ARMC2: variants seen among roughly 807,000 people sequenced by gnomAD.
The protein encoded by ARMC2 is armadillo repeat-containing protein 2.
Under a neutral mutation model 90.3 loss-of-function variants are expected in ARMC2, and 67 were observed. The observed-to-expected ratio is 0.74, with a 90% confidence interval of 0.61 to 0.91. ARMC2 has a LOEUF of 0.91. Ranked by LOEUF, ARMC2 falls within the 40% of genes least tolerant of loss-of-function variation. The pLI is 0.00. For missense variants in ARMC2, 920 were observed against 1,030.9 expected (o/e 0.89, Z 1.47); for synonymous variants, 393 against 393.0 (o/e 1.00, Z 0.00).
the ARMC2 span, among the ~76,000 whole-genome samples, chr6:108,994,163 A>G: frequency 0.09 from 13,183 of 147,042 alleles, 664 homozygotes; most frequent in South Asian, 0.17. Context: ...AAAAAAAAAA[A>G]GAGAAAAAAG....
chr6:108,940,978 C>T lies in ARMC2; in HGVS notation c.1596+3979C>T, dbSNP rs143414607. On this transcript the variant is annotated intron_variant, in intron 12 of 17. Coordinates refer to ENST00000392644, the MANE Select transcript of ARMC2 (RefSeq NM_032131.6). ...TCATCTCTATAAACAAAAAATTAGC[C>T]GTGCGTGGTGGCACATGTCTGTAGT... is the stretch of plus-strand genomic sequence containing the variant. Among the ~76,000 whole-genome samples, 661 of 152,170 alleles carry T rather than the reference C, an allele frequency of 4.3e-3. 1 individual carries two copies. The highest frequency in any genetic ancestry group is 0.014 in the Middle Eastern group (4 of 292).
chr6:108,922,849 T>C (rs1482684293), intron 10 of ARMC2: 1 of 152,204 alleles, frequency 6.6e-6, no homozygotes, highest in Non-Finnish European at 1.5e-5. Flanking sequence ...AGCTCAGTCA[T>C]TTTTCAGTAG....
At chr6:108,925,402 A>T (rs1775012538) in intron 10 of ARMC2, among the ~76,000 whole-genome samples, 1 of 152,228 alleles carries the variant, frequency 6.6e-6, no homozygotes, top group South Asian at 2.1e-4. Context: ...CTGGACTTGG[A>T]GCTGGATGTA....
At chr6:108,966,106 C>T (rs1204814457) in intron 17 of ARMC2, among the ~76,000 whole-genome samples, 4 of 144,844 alleles carry the variant, frequency 2.8e-5, no homozygotes, top group Non-Finnish European at 6.0e-5. Context: ...ACTGCCCAGC[C>T]ACCATACTAG....
At chr6:109,022,149 T>C in the ARMC2 span, among the ~76,000 whole-genome samples, 1 of 152,102 alleles carries the variant, frequency 6.6e-6, no homozygotes, top group East Asian at 1.9e-4. Flanking sequence ...ATGCACCCAT[T>C]TGAAGTCCTT....
At chr6:108,980,185 G>A in the ARMC2 span, among the ~76,000 whole-genome samples, 5 of 152,102 alleles carry the variant, frequency 3.3e-5, no homozygotes, top group African/African-American at 7.2e-5. Flanking sequence ...CTGAGTGGAC[G>A]TCCTTTTTGT....
At chr6:108,928,845 A>G (rs1474161252) in intron 11 of ARMC2, among the ~76,000 whole-genome samples, 1 of 152,154 alleles carries the variant, frequency 6.6e-6, no homozygotes, top group Non-Finnish European at 1.5e-5. Flanking sequence ...TTACATAATG[A>G]TTCTTCTCGG....
the ARMC2 span, among the ~76,000 whole-genome samples, chr6:109,016,421 T>C: frequency 6.6e-6 from 1 of 152,182 alleles, no homozygotes; most frequent in Non-Finnish European, 1.5e-5. Flanking sequence ...GTAGGTCCTA[T>C]AATCCTTTAA....
At chr6:109,049,304 CAT>C in the ARMC2 span, among the ~76,000 whole-genome samples, 1 of 150,696 alleles carries the variant, frequency 6.6e-6, no homozygotes, top group Non-Finnish European at 1.5e-5. Flanking sequence ...TGTTCTCACT[CAT>C]ATGTGAAAGC....
At chr6:108,924,449 C>T (rs145464619) in intron 10 of ARMC2, among the ~76,000 whole-genome samples, 2,235 of 151,812 alleles carry the variant, frequency 0.015, 66 homozygotes, top group African/African-American at 0.052. Flanking sequence ...ACCCAGGAGG[C>T]GGAGGTTGCA....
At chr6:108,912,190 C>G in intron 9 of ARMC2, 145 bp from the exon 10 acceptor site, 1 of 599,260 alleles carries the variant, frequency 1.7e-6, no homozygotes, top group Non-Finnish European at 2.8e-6. Flanking sequence ...TTCTCTTATA[C>G]TATATAACTC....
intron 7 of ARMC2, among the ~76,000 whole-genome samples, chr6:108,902,440 C>T (rs1360215073): frequency 6.6e-6 from 1 of 152,104 alleles, no homozygotes; most frequent in African/African-American, 2.4e-5. Context: ...AATGAGTGGC[C>T]CAGAGCCTGG....
At chr6:108,937,844 C>T (rs1048171681) in intron 12 of ARMC2, among the ~76,000 whole-genome samples, 7 of 151,948 alleles carry the variant, frequency 4.6e-5, no homozygotes, top group Non-Finnish European at 1.0e-4. Context: ...ACAGGCGTGC[C>T]ACCACACCTG....
the ARMC2 span, among the ~76,000 whole-genome samples, chr6:109,005,039 C>A: frequency 3.9e-5 from 6 of 152,120 alleles, no homozygotes; most frequent in Admixed American, 3.9e-4. Flanking sequence ...ATTAAAAAGT[C>A]CCATAGCCTT....
chr6:108,958,018 A>G (rs897245819), intron 13 of ARMC2, among the ~76,000 whole-genome samples: 5 of 152,164 alleles, frequency 3.3e-5, no homozygotes, highest in Admixed American at 2.6e-4. Flanking sequence ...GAGGTGAGGT[A>G]TTGAACTTCT....
At chr6:108,900,130 A>G (rs182021681) in intron 7 of ARMC2, among the ~76,000 whole-genome samples, 2 of 152,324 alleles carry the variant, frequency 1.3e-5, no homozygotes, top group East Asian at 3.9e-4. Flanking sequence ...CAAGAAAGTA[A>G]AAGATTAAAA....
the ARMC2 span, among the ~76,000 whole-genome samples, chr6:109,046,317 G>T: frequency 1.3e-5 from 2 of 151,800 alleles, no homozygotes; most frequent in Non-Finnish European, 2.9e-5. Flanking sequence ...GCCCCTAACC[G>T]CGAGTGATCC....
At chr6:108,977,370 C>T (rs1779002983), downstream of ARMC2, among the ~76,000 whole-genome samples, 1 of 152,138 alleles carries the variant, frequency 6.6e-6, no homozygotes, top group African/African-American at 2.4e-5. Context: ...GGTGGATAAG[C>T]TTTTTGATGT....
chr6:108,868,841 A>G lies in ARMC2; in HGVS notation c.309A>G (p.Ala103=), dbSNP rs759930999. 7 of 1,611,472 alleles carry G rather than the reference A, an allele frequency of 4.3e-6. 1 individual carries two copies. The South Asian group carries it at 7.7e-5, about 18-fold the overall frequency. The stretch of plus-strand genomic sequence containing the variant: ...CTTTCCAGAAACCGAAAGTTCCAGC[A>G]TCTCCCACCAGAGAGGAGGATTCCT... ...SPLELKPKVP[A]SPTREEDSCF... is the part of the protein sequence containing the mutation. The change falls in exon 4 of 18, where the codon GCA becomes GCG. Residue 103 remains alanine, a synonymous_variant. Transcript: ENST00000392644.
Sources: allele counts gnomAD v4.1 joint callset (sites outside exome capture counted in the v4.1 genomes callset), GRCh38; gene constraint gnomAD v4.1.1; transcripts MANE v1.5; gene names NCBI Gene and HGNC (gene_info 2026-07-23, HGNC 2026-07-21).